The following BLTP2 variants were observed in gnomAD, a reference collection of about 807,000 sequenced individuals.
The protein encoded by BLTP2 is U937-associated antigen.
chr17:28,639,528 C>A, the BLTP2 span: 1 of 1,612,600 alleles, frequency 6.2e-7, no homozygotes, highest in Non-Finnish European at 8.5e-7. Context: ...AATAATGTAG[C>A]GGGAGAATAG....
At chr17:28,638,562 G>C in the BLTP2 span, 3 of 1,613,460 alleles carry the variant, frequency 1.9e-6, no homozygotes, top group Non-Finnish European at 2.5e-6. Flanking sequence ...AAAAGGTGGT[G>C]TATCTCCAAG....
At chr17:28,617,232 C>CTTA in the BLTP2 span, 1 of 1,613,276 alleles carries the variant, frequency 6.2e-7, no homozygotes, top group Non-Finnish European at 8.5e-7. Flanking sequence ...AAAGACTTGC[C>CTTA]TTATAGACAG....
chr17:28,618,688 CAAT>C, the BLTP2 span: 5 of 870,998 alleles, frequency 5.7e-6, no homozygotes, highest in Non-Finnish European at 9.0e-6. Context: ...AATAATCATA[CAAT>C]AATTAACCCC....
chr17:28,626,010 G>A, the BLTP2 span, among the ~76,000 whole-genome samples: 11 of 152,116 alleles, frequency 7.2e-5, no homozygotes, highest in South Asian at 2.1e-4. Context: ...TGATCCATCC[G>A]CCTCGGCCTC....
At chr17:28,639,941 G>C in the BLTP2 span, 3 of 1,613,994 alleles carry the variant, frequency 1.9e-6, no homozygotes, top group South Asian at 2.2e-5. Context: ...CCATATCAGA[G>C]TTTGCTGTGA....
the BLTP2 span, chr17:28,644,016 G>A: frequency 6.4e-7 from 1 of 1,563,698 alleles, no homozygotes; most frequent in South Asian, 1.2e-5. Flanking sequence ...AAATTCAATT[G>A]GATCAACCCT....
At chr17:28,635,345 T>C in the BLTP2 span, 1 of 1,614,172 alleles carries the variant, frequency 6.2e-7, no homozygotes, top group Non-Finnish European at 8.5e-7. Context: ...GTAATGAACT[T>C]GTCCTCAGCT....
the BLTP2 span, chr17:28,631,547 T>G: frequency 6.2e-7 from 1 of 1,614,156 alleles, no homozygotes; most frequent in Non-Finnish European, 8.5e-7. Context: ...TGGGTCTTTG[T>G]TACCAAGGGA....
chr17:28,629,648 T>C, the BLTP2 span, among the ~76,000 whole-genome samples: 3 of 152,090 alleles, frequency 2.0e-5, no homozygotes, highest in African/African-American at 7.2e-5. Context: ...CAGCAAATTT[T>C]TGTATTTTTT....
the BLTP2 span, chr17:28,642,153 A>G: frequency 6.3e-7 from 1 of 1,578,602 alleles, no homozygotes; most frequent in South Asian, 1.1e-5. Flanking sequence ...GTGATCTGGA[A>G]CACTGGGTAC....
At chr17:28,642,433 T>C in the BLTP2 span, 2 of 923,216 alleles carry the variant, frequency 2.2e-6, no homozygotes, top group South Asian at 2.6e-5. Context: ...GGGAGGATCA[T>C]GAGGTCAGGA....
the BLTP2 span, chr17:28,634,201 G>A: frequency 1.1e-6 from 1 of 940,544 alleles, no homozygotes; most frequent in African/African-American, 1.6e-5. Flanking sequence ...TCAATTGAGA[G>A]AACAAGGGCA....
chr17:28,631,795 A>C, the BLTP2 span: 2 of 1,609,138 alleles, frequency 1.2e-6, no homozygotes, highest in Non-Finnish European at 1.7e-6. Flanking sequence ...AGGATAGGAG[A>C]AATGAAAGGA....
the BLTP2 span, chr17:28,642,214 G>T: frequency 6.3e-7 from 1 of 1,591,324 alleles, no homozygotes; most frequent in Non-Finnish European, 8.6e-7. Context: ...TAAGCCCTAA[G>T]CTCCTTCACA....
At chr17:28,633,357 G>A in the BLTP2 span, 1 of 1,613,828 alleles carries the variant, frequency 6.2e-7, no homozygotes, top group Non-Finnish European at 8.5e-7. Flanking sequence ...GAAAAGACAG[G>A]TGGCTCCACT....
chr17:28,641,120 A>G, the BLTP2 span, among the ~76,000 whole-genome samples: 15 of 152,206 alleles, frequency 9.9e-5, no homozygotes, highest in African/African-American at 3.6e-4. Flanking sequence ...AAGTCCGCAC[A>G]TACTCAAGTC....
chr17:28,644,354 T>G, the BLTP2 span, among the ~76,000 whole-genome samples: 1 of 152,246 alleles, frequency 6.6e-6, no homozygotes. Flanking sequence ...GCCACGCTGA[T>G]CAAGATCCTA....
the BLTP2 span, chr17:28,637,011 A>G: frequency 1.9e-6 from 3 of 1,614,112 alleles, no homozygotes; most frequent in Non-Finnish European, 2.5e-6. Context: ...GAGCATGGAA[A>G]GGCTGAGCAC....
the BLTP2 span, chr17:28,615,046 G>C: frequency 6.2e-7 from 1 of 1,601,616 alleles, no homozygotes; most frequent in Non-Finnish European, 8.5e-7. Flanking sequence ...CTGTACTGCA[G>C]CCACTCGAAT....
Sources: gnomAD v4.1 joint callset for allele counts (sites outside exome capture counted in the v4.1 genomes callset) on GRCh38, gnomAD v4.1.1 for gene constraint, MANE v1.5 for transcripts, NCBI Gene and HGNC (gene_info 2026-07-23, HGNC 2026-07-21) for gene names.